GABRR2: variants seen among roughly 807,000 people sequenced by gnomAD.
GABRR2 encodes the protein gamma-aminobutyric acid receptor subunit rho-2.
GABRR2 carries 36 observed loss-of-function variants against 47.0 expected under a neutral mutation model. That is an observed-to-expected ratio of 0.77 (90% confidence interval 0.59 to 1.01). The LOEUF (loss-of-function observed/expected upper bound fraction) is 1.01, where lower values mean the gene tolerates loss of function less well. Ranked by LOEUF, GABRR2 falls within the 50% of genes least tolerant of loss-of-function variation. GABRR2 has a pLI of 0.00. For missense variants in GABRR2, 587 were observed against 594.6 expected, an observed-to-expected ratio of 0.99 and a Z score of 0.13; for synonymous variants, 204 against 227.5, an observed-to-expected ratio of 0.90 and a Z score of 0.93.
At chr6:89,301,791 G>C in intron 1 of GABRR2, 1 of 801,676 alleles carries the variant, frequency 1.2e-6, no homozygotes, top group East Asian at 2.5e-5. Context: ...GTATGAGGGA[G>C]ATCCTGCACA....
In GABRR2 at chr6:89,263,562, G is replaced by A. The variant is rs151277326; in HGVS notation, c.1086+850C>T. Among the ~76,000 whole-genome samples, 638 of 152,194 alleles carry A rather than the reference G, an allele frequency of 4.2e-3. 5 individuals are homozygous for A. Among genetic ancestry groups the A allele is most frequent in the African/African-American group, 0.014 (594 of 41,522 alleles). On this transcript the variant is annotated intron_variant, in intron 8 of 8. Transcript: ENST00000402938. The stretch of plus-strand genomic sequence containing the variant: ...TTTTGAAATGGGGTCTTGCTCTGTC[G>A]CCCAGGCTGGAGTACAGTGGTGCAA...
intron 8 of GABRR2, among the ~76,000 whole-genome samples, chr6:89,259,883 CTTTTTTTTT>C (rs59831214): frequency 1.5e-5 from 1 of 67,628 alleles, no homozygotes; most frequent in Non-Finnish European, 3.4e-5. Flanking sequence ...CTCTCTCTCT[CTTTTTTTTT>C]TTTTTTGTTT....
intron 2 of GABRR2, among the ~76,000 whole-genome samples, chr6:89,284,955 A>G (rs931062023): frequency 6.6e-6 from 1 of 152,232 alleles, no homozygotes; most frequent in Non-Finnish European, 1.5e-5. Context: ...GGACTACCTC[A>G]GCGTAACATT....
In GABRR2 at chr6:89,265,785, G is replaced by A. The variant is rs764413284; in HGVS notation, c.737-20C>T. 1.2e-6 allele frequency: 2 copies of A among 1,612,436 alleles called. No individual in the cohort carries two copies. Among genetic ancestry groups the A allele is most frequent in the East Asian group, 2.2e-5 (1 of 44,874 alleles). ...ACCAGCCTAGGGGATGCAGGAAGAAGCCAATGAGGTTCCATCTGAGAGGTG... is the reference window on the plus strand; with the variant it reads ...ACCAGCCTAGGGGATGCAGGAAGAAACCAATGAGGTTCCATCTGAGAGGTG... On this transcript the variant is annotated intron_variant, in intron 6 of 8. Transcript: ENST00000402938.
intron 8 of GABRR2, among the ~76,000 whole-genome samples, chr6:89,262,108 A>C (rs1178459736): frequency 3.3e-5 from 5 of 151,964 alleles, no homozygotes; most frequent in Admixed American, 1.3e-4. Flanking sequence ...CTGTTCCACC[A>C]GCCATAACTA....
chr6:89,303,097 G>T, intron 1 of GABRR2: 3 of 680,870 alleles, frequency 4.4e-6, no homozygotes, highest in South Asian at 3.0e-5. Flanking sequence ...GGAATTGGAG[G>T]CCCAGGGCCC....
In GABRR2 at chr6:89,278,610, T is replaced by TA. The variant is rs1774206460; in HGVS notation, c.221-6889_221-6888insT. On this transcript the variant is annotated intron_variant, in intron 2 of 8. Transcript: ENST00000402938. The stretch of plus-strand genomic sequence containing the variant: ...TACCTTTCTTCTAGGGGGCTTTTCC[T>TA]GAGCCCCTGGGTAAGGTTGTGGGGT... 3.9e-5 allele frequency among the ~76,000 whole-genome samples: 6 copies of TA among 152,334 alleles called. No homozygotes were observed. The South Asian group carries it at 1.2e-3, about 32-fold the overall frequency.
intron 2 of GABRR2, among the ~76,000 whole-genome samples, chr6:89,280,153 G>A (rs1774230285): frequency 6.7e-6 from 1 of 149,220 alleles, no homozygotes; most frequent in Non-Finnish European, 1.5e-5. Context: ...AGGTTGCAGT[G>A]AGCCAAGATC....
In GABRR2 at chr6:89,264,587, A is replaced by T. The variant is rs1365179870; in HGVS notation, c.911T>A (p.Met304Lys). The T allele has an allele frequency of 6.2e-7, 1 of 1,614,196 alleles. No individual in the cohort carries two copies. The highest frequency in any genetic ancestry group is 1.1e-5 in the South Asian group (1 of 91,084). Reference sequence around the variant, plus strand: ...ATTCACGCCCGTGATGATGGTGGTCATGGTCAGCACCGTCGTGATACCTGC... The same window carrying T: ...ATTCACGCCCGTGATGATGGTGGTCTTGGTCAGCACCGTCGTGATACCTGC... ...VSLGITTVLTMTTIITGVNAS... is the reference protein window; with the variant it reads ...VSLGITTVLTKTTIITGVNAS... Residue 304 changes from methionine to lysine, a missense_variant, in exon 8 of 9, where the codon ATG becomes AAG. Coordinates refer to ENST00000402938, the MANE Select transcript of GABRR2 (RefSeq NM_002043.5).
At chr6:89,263,442 C>T (rs373529668) in intron 8 of GABRR2, among the ~76,000 whole-genome samples, 3 of 152,102 alleles carry the variant, frequency 2.0e-5, no homozygotes, top group East Asian at 1.9e-4. Flanking sequence ...AGGGGTCAGC[C>T]CCCCCAACCC....
chr6:89,310,536 G>A (rs551431913), intron 1 of GABRR2, among the ~76,000 whole-genome samples: 24 of 152,202 alleles, frequency 1.6e-4, no homozygotes, highest in African/African-American at 5.1e-4. Context: ...CACCTAAGTT[G>A]ATGGCTTAAA....
rs1774053471 is a variant in GABRR2 at position 89,271,657 on chromosome 6, T to C, written c.286A>G (p.Met96Val). The C allele has an allele frequency of 6.2e-7, 1 of 1,610,972 alleles. No homozygotes were observed. Among genetic ancestry groups the C allele is most frequent in the Middle Eastern group, 1.6e-4 (1 of 6,062 alleles). The change falls in exon 3 of 9, where the codon ATG becomes GTG. Residue 96 changes from methionine (M) to valine (V), a missense_variant and splice_region_variant. Transcript: ENST00000402938. ...ESLDSISEVD[M>V]DFTMTLYLRH... ...TGTCACTGGAGGCCGCTGCATACCA[T>C]GTCCACCTCGGAGATGCTGTCCAGG...
chr6:89,297,201 T>C (rs901778999), intron 2 of GABRR2, among the ~76,000 whole-genome samples: 1 of 152,240 alleles, frequency 6.6e-6, no homozygotes, highest in African/African-American at 2.4e-5. Context: ...GGTTTAATGA[T>C]GAACATATTA....
chr6:89,268,221 A>C lies in GABRR2; in HGVS notation c.513-125T>G, dbSNP rs192481980. 5.5e-6 allele frequency: 4 copies of C among 729,758 alleles called. No individual in the cohort carries two copies. In the African/African-American group the frequency reaches 7.0e-5, roughly 13 times the overall value. 45.2% of individuals were successfully genotyped at this position (729,758 alleles called of 1,614,324 possible). On this transcript the variant is annotated intron_variant, in intron 4 of 8. Coordinates refer to ENST00000402938, the MANE Select transcript of GABRR2 (RefSeq NM_002043.5). Reference sequence around the variant, plus strand: ...CCTCACATCTGCTGCAGAAGTTTGGAAACAGTTATCTGAGTTATAGAACCT... The same window carrying C: ...CCTCACATCTGCTGCAGAAGTTTGGCAACAGTTATCTGAGTTATAGAACCT...
chr6:89,298,405 C>G (rs533722746), intron 2 of GABRR2, among the ~76,000 whole-genome samples: 1 of 152,286 alleles, frequency 6.6e-6, no homozygotes, highest in South Asian at 2.1e-4. Context: ...TTAATCTGGA[C>G]AACAACCCCA....
chr6:89,257,808 G>A lies in GABRR2; in HGVS notation c.1260C>T (p.Ala420=). The change falls in exon 9 of 9, where the codon GCC becomes GCT. Residue 420 remains alanine (A), a synonymous_variant. Transcript: ENST00000402938. ...HLGLSGEANA[A]RKKGLLKGQT... ...GGCCCTTCAGAAGCCCCTTCTTTCT[G>A]GCAGCGTTGGCTTCACCACTCAGGC... 6.2e-7 allele frequency: 1 copy of A among 1,614,020 alleles called. No individual in the cohort carries two copies. Among genetic ancestry groups the A allele is most frequent in the Non-Finnish European group, 8.5e-7 (1 of 1,179,896 alleles).
rs118025442 is a variant in GABRR2 at position 89,282,733 on chromosome 6, C to A, written c.221-11011G>T. ...AAGCCCACCACCAGGCCCACAGAGG[C>A]AGCCCGAAGTGGGGCTTCCCACAAG... On this transcript the variant is annotated intron_variant, in intron 2 of 8. Coordinates refer to ENST00000402938, the MANE Select transcript of GABRR2 (RefSeq NM_002043.5). Among the ~76,000 whole-genome samples, 253 of 152,368 alleles carry A rather than the reference C, an allele frequency of 1.7e-3. 2 individuals carry two copies. In the East Asian group the frequency reaches 0.04, roughly 24 times the overall value.
intron 2 of GABRR2, among the ~76,000 whole-genome samples, chr6:89,281,660 G>A (rs997783475): frequency 2.0e-5 from 3 of 152,122 alleles, no homozygotes; most frequent in African/African-American, 7.2e-5. Context: ...CAGCAGCTCC[G>A]TGTAGTCCAG....
At chr6:89,314,913 G>A (rs182930849) in intron 1 of GABRR2, 140 bp downstream of exon 1, 28 of 710,602 alleles carry the variant, frequency 3.9e-5, no homozygotes, top group Admixed American at 9.7e-5. Flanking sequence ...GAGAGGCTGC[G>A]TTCAGTGAAG....
Sources: gnomAD v4.1 joint callset for allele counts (sites outside exome capture counted in the v4.1 genomes callset) on GRCh38, gnomAD v4.1.1 for gene constraint, MANE v1.5 for transcripts, NCBI Gene and HGNC (gene_info 2026-07-23, HGNC 2026-07-21) for gene names.